Variants in BBX observed in about 807,000 individuals in gnomAD.
BBX encodes BBX high mobility group box domain containing.
A neutral mutation model predicts 100.2 loss-of-function variants in BBX; 30 were observed. The observed-to-expected ratio is 0.30, with a 90% CI of 0.22 to 0.41. The LOEUF is 0.41. BBX is among the 10% of genes least tolerant of loss of function. The pLI is 1.00. For synonymous variants in BBX, 376 were observed against 388.1 expected (o/e 0.97, Z 0.37); for missense variants, 1,023 against 1,129.8 (o/e 0.91, Z 1.35).
At position 107,671,842 on chromosome 3, in the gene BBX, T is replaced by C. The variant is rs377396716; in HGVS notation, c.-10+25933T>C. Among the ~76,000 whole-genome samples the C allele has an allele frequency of 2.4e-4, 36 of 152,194 alleles. No homozygotes were observed. In the East Asian group the frequency reaches 5.8e-3, roughly 24 times the overall value. Reference sequence around the variant, plus strand: ...ATGGAATAGCATGCTACAAGAATAATGACCACACGAATGCAGCCTAGTTTT... The same window carrying C: ...ATGGAATAGCATGCTACAAGAATAACGACCACACGAATGCAGCCTAGTTTT... On this transcript the variant is annotated intron_variant, in intron 3 of 17. Transcript: ENST00000325805.
At chr3:107,718,267 A>G (rs1033078562) in intron 5 of BBX, among the ~76,000 whole-genome samples, 3 of 146,716 alleles carry the variant, frequency 2.0e-5, no homozygotes, top group Admixed American at 6.9e-5. Flanking sequence ...AGTATTAATG[A>G]TTATAATATG....
rs79945589 is a variant in BBX at position 107,749,739 on chromosome 3, T to G, written c.825+1700T>G. ...ACCTCCACCTCCCAGGTTCAAGCGATTCTCCTGCCTCAGCCTCCTGAGTAG... is the reference window on the plus strand; with the variant it reads ...ACCTCCACCTCCCAGGTTCAAGCGAGTCTCCTGCCTCAGCCTCCTGAGTAG... On this transcript the variant is annotated intron_variant, in intron 9 of 17. Coordinates refer to ENST00000325805, the MANE Select transcript of BBX (RefSeq NM_001142568.3). Among the ~76,000 whole-genome samples the G allele has an allele frequency of 6.7e-4, 102 of 152,110 alleles. 1 individual carries two copies. The East Asian group carries it at 0.019, about 28-fold the overall frequency.
rs888078811 is a variant in BBX, at chr3:107,587,215, A to C, written c.-83-58621A>C. ...AGCTGTTGTGGTGGTTCATGCCAGCAATCCCAGCTACTTTGCAGCTACTTT... is the reference window on the plus strand; with the variant it reads ...AGCTGTTGTGGTGGTTCATGCCAGCCATCCCAGCTACTTTGCAGCTACTTT... On this transcript the variant is annotated intron_variant, in intron 2 of 17. Coordinates refer to ENST00000325805, the MANE Select transcript of BBX (RefSeq NM_001142568.3). Among the ~76,000 whole-genome samples the C allele has an allele frequency of 6.6e-5, 10 of 152,086 alleles. 1 individual carries two copies. The highest frequency in any genetic ancestry group is 2.4e-4 in the African/African-American group (10 of 41,400).
At chr3:107,734,078 A>G (rs936079642) in intron 7 of BBX, among the ~76,000 whole-genome samples, 2 of 152,154 alleles carry the variant, frequency 1.3e-5, no homozygotes, top group Non-Finnish European at 2.9e-5. Flanking sequence ...ATTTTGGGTC[A>G]TATTTTTTAC....
rs530680685 is a variant in BBX, at chr3:107,780,646, T to C, written c.2203+2127T>C. On this transcript the variant is annotated intron_variant, in intron 13 of 17. Transcript: ENST00000325805. Reference sequence around the variant, plus strand: ...AGATTTTGTTCTGCCTTCAGATTTGTGAAGCAAAATGCAATTAAAATAAGC... The same window carrying C: ...AGATTTTGTTCTGCCTTCAGATTTGCGAAGCAAAATGCAATTAAAATAAGC... Among the ~76,000 whole-genome samples, 3 of 152,208 alleles carry C rather than the reference T, an allele frequency of 2.0e-5. No homozygotes were observed. In the East Asian group the frequency reaches 5.8e-4, roughly 29 times the overall value.
intron 8 of BBX, 83 bp from the exon 9 acceptor site, chr3:107,747,882 A>C: frequency 4.3e-6 from 5 of 1,149,938 alleles, no homozygotes; most frequent in Non-Finnish European, 6.4e-6. Context: ...ATCAGTGTCT[A>C]CAGTTGAAAA....
At chr3:107,546,796 T>C (rs1050945406) in intron 2 of BBX, among the ~76,000 whole-genome samples, 6 of 152,230 alleles carry the variant, frequency 3.9e-5, no homozygotes, top group Admixed American at 6.5e-5. Context: ...AAATGTAATA[T>C]AGTTACTGTA....
At position 107,714,899 on chromosome 3, in the gene BBX, C is replaced by A. The variant is rs929647705; in HGVS notation, c.163-1708C>A. On this transcript the variant is annotated intron_variant, in intron 4 of 17. Coordinates refer to ENST00000325805, the MANE Select transcript of BBX (RefSeq NM_001142568.3). ...CTCCTGGGTTCAAGCAATTCTCCTG[C>A]CTCAGTCTCCCAAGTAGCTGGGACT... Among the ~76,000 whole-genome samples, 3 of 152,156 alleles carry A rather than the reference C, an allele frequency of 2.0e-5. 1 individual carries two copies. Among genetic ancestry groups the A allele is most frequent in the South Asian group, 4.1e-4 (2 of 4,824 alleles).
rs1486324543 is a variant in BBX, at chr3:107,682,413, C to A, written c.-9-28039C>A. Reference sequence around the variant, plus strand: ...GAAGACAAACCTGCAAACAATAAAACCCCTGTCGAAGGTGATAATGTCACA... The same window carrying A: ...GAAGACAAACCTGCAAACAATAAAAACCCTGTCGAAGGTGATAATGTCACA... On this transcript the variant is annotated intron_variant, in intron 3 of 17. Coordinates refer to ENST00000325805, the MANE Select transcript of BBX (RefSeq NM_001142568.3). 3.9e-5 allele frequency among the ~76,000 whole-genome samples: 6 copies of A among 152,180 alleles called. No individual in the cohort carries two copies. The East Asian group carries it at 1.2e-3, about 29-fold the overall frequency.
chr3:107,547,204 G>A (rs536713908), intron 2 of BBX, among the ~76,000 whole-genome samples: 2 of 151,970 alleles, frequency 1.3e-5, no homozygotes, highest in Non-Finnish European at 2.9e-5. Flanking sequence ...AGCTGTAGTC[G>A]GGATGATGGC....
intron 3 of BBX, chr3:107,659,511 A>G (rs760303000): frequency 1.4e-5 from 3 of 210,108 alleles, no homozygotes; most frequent in Non-Finnish European, 2.9e-5. Context: ...AATACCTATC[A>G]AAATATAACC....
intron 1 of BBX, chr3:107,525,451 T>C (rs2047693390): frequency 1.3e-5 from 2 of 152,388 alleles, no homozygotes; most frequent in Non-Finnish European, 2.9e-5. Context: ...GCTCCTCCGT[T>C]ATGGAAAGGT....
chr3:107,778,499 A>G lies in BBX; in HGVS notation c.2183A>G (p.Glu728Gly), dbSNP rs769438458. ...AAGAAGACTGGAAATGTGTCCTCAG[A>G]ACCGACTAAAACCAGCAAAGGTTAG... ...KKKKTGNVSS[E>G]PTKTSKGPFQ... is the part of the protein sequence containing the mutation. Residue 728 changes from glutamate (E) to glycine (G), a missense_variant, in exon 13 of 18, where the codon GAA becomes GGA. Coordinates refer to ENST00000325805, the MANE Select transcript of BBX (RefSeq NM_001142568.3). 2.5e-5 allele frequency: 41 copies of G among 1,613,082 alleles called. No homozygotes were observed. The highest frequency in any genetic ancestry group is 3.5e-5 in the Non-Finnish European group (41 of 1,179,456).
At chr3:107,596,885 TGGTTTGTTTG>T (rs2053701375) in intron 2 of BBX, among the ~76,000 whole-genome samples, 2 of 152,202 alleles carry the variant, frequency 1.3e-5, no homozygotes, top group East Asian at 3.8e-4. Flanking sequence ...CTGTTTTCTT[TGGTTTGTTTG>T]TTAGTTTTTT....
intron 2 of BBX, chr3:107,526,644 TATTCTC>T (rs891290152): frequency 3.9e-5 from 12 of 307,574 alleles, no homozygotes; most frequent in Non-Finnish European, 6.5e-5. Flanking sequence ...TTTCAAAACT[TATTCTC>T]AAATAGACAT....
At chr3:107,684,361 A>G (rs79678737) in intron 3 of BBX, among the ~76,000 whole-genome samples, 1,938 of 152,290 alleles carry the variant, frequency 0.013, 36 homozygotes, top group African/African-American at 0.044. Context: ...GTTTCAGTTT[A>G]AGGTCTTCAA....
At position 107,806,395 on chromosome 3, in the gene BBX, T is replaced by A. The variant is rs1317134410; in HGVS notation, c.*938T>A. 6.6e-6 allele frequency: 1 copy of A among 152,222 alleles called. No individual in the cohort carries two copies. The highest frequency in any genetic ancestry group is 1.5e-5 in the Non-Finnish European group (1 of 68,036). 9.4% of individuals were successfully genotyped at this position (152,222 alleles called of 1,614,324 possible). A position where few individuals can be genotyped will look rare whatever the true frequency, so the allele number is the denominator to read the frequency against. On this transcript the variant is annotated 3_prime_UTR_variant, in exon 18 of 18. Transcript: ENST00000325805. Reference sequence around the variant, plus strand: ...AAGTGACCTTAGTATTACTTCACTATTCTAAACACATTGAAGACACTCACT... The same window carrying A: ...AAGTGACCTTAGTATTACTTCACTAATCTAAACACATTGAAGACACTCACT...
chr3:107,617,338 CA>C, intron 2 of BBX, among the ~76,000 whole-genome samples: 1 of 152,172 alleles, frequency 6.6e-6, no homozygotes, highest in African/African-American at 2.4e-5. Context: ...ACACTTTATT[CA>C]TTTTTTTTTC....
chr3:107,802,932 G>A lies in BBX; in HGVS notation c.2738+1651G>A, dbSNP rs115407972. ...CTCAGTCCTCCTGATGCCCTAGGCT[G>A]TGTGTTTCTTGTTGCTCCTGCATGC... On this transcript the variant is annotated intron_variant, in intron 17 of 17. Transcript: ENST00000325805. 3.9e-3 allele frequency among the ~76,000 whole-genome samples: 593 copies of A among 152,326 alleles called. 6 individuals are homozygous for A. The highest frequency in any genetic ancestry group is 0.014 in the African/African-American group (573 of 41,566).
Sources: gnomAD v4.1 joint callset for allele counts (sites outside exome capture counted in the v4.1 genomes callset) on GRCh38, gnomAD v4.1.1 for gene constraint, MANE v1.5 for transcripts, NCBI Gene and HGNC (gene_info 2026-07-23, HGNC 2026-07-21) for gene names.